Variants in NRXN3 observed in about 807,000 individuals in gnomAD.
The protein encoded by NRXN3 is neurexin 3, also known as neurexin III.
In NRXN3, 32 loss-of-function variants were observed where a neutral mutation model predicts 137.6. The observed-to-expected ratio is 0.23, with a 90% CI of 0.18 to 0.31. The LOEUF (loss-of-function observed/expected upper bound fraction) is 0.31. Ranked by LOEUF, NRXN3 falls within the 10% of genes least tolerant of loss-of-function variation. NRXN3 has a pLI of 1.00. For missense variants in NRXN3, 1,574 were observed against 2,062.5 expected, an observed-to-expected ratio of 0.76 and a Z score of 4.59; for synonymous variants, 798 against 784.5, an observed-to-expected ratio of 1.02 and a Z score of -0.29.
intron 10 of NRXN3, among the ~76,000 whole-genome samples, chr14:78,918,532 A>G (rs1297342139): frequency 9.2e-5 from 14 of 152,182 alleles, no homozygotes; most frequent in Non-Finnish European, 1.9e-4. Context: ...AGATCAGTTT[A>G]AGGCAAAGAT....
At chr14:78,977,092 G>A (rs2099470136) in intron 14 of NRXN3, among the ~76,000 whole-genome samples, 1 of 152,096 alleles carries the variant, frequency 6.6e-6, no homozygotes, top group Non-Finnish European at 1.5e-5. Context: ...GGACACTGAG[G>A]TTTAGAGTTT....
intron 10 of NRXN3, among the ~76,000 whole-genome samples, chr14:78,927,364 C>G (rs1332015958): frequency 6.6e-6 from 1 of 151,580 alleles, no homozygotes; most frequent in Non-Finnish European, 1.5e-5. Context: ...GGGGAACAAG[C>G]GTAAGGAGGA....
intron 10 of NRXN3, among the ~76,000 whole-genome samples, chr14:78,878,397 A>T (rs1257691077): frequency 6.6e-6 from 1 of 152,168 alleles, no homozygotes; most frequent in Non-Finnish European, 1.5e-5. Flanking sequence ...TTTAATTGAA[A>T]AGTCATAAGC....
At chr14:79,825,979 A>G (rs1469152826) in intron 20 of NRXN3, among the ~76,000 whole-genome samples, 1 of 150,034 alleles carries the variant, frequency 6.7e-6, no homozygotes, top group African/African-American at 2.4e-5. Flanking sequence ...CAAATTACAC[A>G]TATATATACC....
intron 20 of NRXN3, among the ~76,000 whole-genome samples, chr14:79,849,063 T>G (rs2141667886): frequency 6.6e-6 from 1 of 152,288 alleles, no homozygotes; most frequent in South Asian, 2.1e-4. Context: ...CCACACCCAG[T>G]CAAGAAGTCC....
At chr14:78,594,250 C>T (rs1320246117) in intron 4 of NRXN3, among the ~76,000 whole-genome samples, 1 of 152,184 alleles carries the variant, frequency 6.6e-6, no homozygotes, top group Non-Finnish European at 1.5e-5. Flanking sequence ...AGTCTCCTGC[C>T]AGCCATCTGA....
At chr14:78,407,361 A>T (rs753361337) in intron 4 of NRXN3, among the ~76,000 whole-genome samples, 7 of 152,120 alleles carry the variant, frequency 4.6e-5, no homozygotes, top group Non-Finnish European at 8.8e-5. Context: ...TAAGCCCCCT[A>T]TCAAGGTGTT....
intron 16 of NRXN3, among the ~76,000 whole-genome samples, chr14:79,595,594 A>C (rs10141349): frequency 0.091 from 13,824 of 152,038 alleles, 1,320 homozygotes; most frequent in African/African-American, 0.24. Context: ...ATAAAACTAT[A>C]TTTCACCTAA....
intron 19 of NRXN3, among the ~76,000 whole-genome samples, chr14:79,779,020 T>C (rs2140046264): frequency 6.6e-6 from 1 of 152,368 alleles, no homozygotes; most frequent in South Asian, 2.1e-4. Context: ...TTCCTAAGTC[T>C]CTTGGCAGGA....
chr14:78,748,216 T>C (rs372809422), intron 8 of NRXN3, among the ~76,000 whole-genome samples: 61 of 152,280 alleles, frequency 4.0e-4, no homozygotes, highest in African/African-American at 1.5e-3. Context: ...TGATGTCATC[T>C]CAAGGGGAGC....
chr14:78,285,244 CT>C (rs1463911924), intron 3 of NRXN3, among the ~76,000 whole-genome samples: 1 of 152,142 alleles, frequency 6.6e-6, no homozygotes, highest in Non-Finnish European at 1.5e-5. Flanking sequence ...CTAGTAGTAC[CT>C]ATGAGATATT....
intron 15 of NRXN3, among the ~76,000 whole-genome samples, chr14:79,071,376 C>T (rs887525919): frequency 2.6e-5 from 4 of 152,160 alleles, no homozygotes; most frequent in African/African-American, 2.4e-5. Flanking sequence ...AATGCTATCC[C>T]TCTGCTAGCC....
At chr14:79,209,562 ATTATC>A (rs2067327695) in intron 15 of NRXN3, among the ~76,000 whole-genome samples, 1 of 152,148 alleles carries the variant, frequency 6.6e-6, no homozygotes, top group African/African-American at 2.4e-5. Flanking sequence ...AGTTTTTCCT[ATTATC>A]TTATCTAAAA....
intron 4 of NRXN3, among the ~76,000 whole-genome samples, chr14:78,621,726 A>G (rs1367215232): frequency 1.2e-4 from 18 of 152,194 alleles, no homozygotes; most frequent in Admixed American, 1.2e-3. Context: ...ACTTTCACCT[A>G]GATGCCCTAT....
chr14:78,391,767 C>T (rs1175938206), intron 4 of NRXN3, among the ~76,000 whole-genome samples: 2 of 152,160 alleles, frequency 1.3e-5, no homozygotes, highest in Admixed American at 1.3e-4. Context: ...TATATTTTCT[C>T]ATATAATCTC....
At chr14:79,569,602 CGTGT>C (rs3061386) in intron 16 of NRXN3, among the ~76,000 whole-genome samples, 117 of 145,598 alleles carry the variant, frequency 8.0e-4, no homozygotes, top group African/African-American at 2.4e-3. Flanking sequence ...GAATGAGCAA[CGTGT>C]GTGTGTGTGT....
At chr14:78,566,106 A>C (rs1389726421) in intron 4 of NRXN3, among the ~76,000 whole-genome samples, 1 of 151,978 alleles carries the variant, frequency 6.6e-6, no homozygotes, top group Non-Finnish European at 1.5e-5. Context: ...TCCTGATCAT[A>C]CTTGTCCTGA....
chr14:78,242,010 G>A (rs927769221), intron 1 of NRXN3, among the ~76,000 whole-genome samples: 1 of 152,146 alleles, frequency 6.6e-6, no homozygotes, highest in Non-Finnish European at 1.5e-5. Context: ...AATGTCATTT[G>A]CAAGCTTTTA....
intron 4 of NRXN3, among the ~76,000 whole-genome samples, chr14:78,634,865 T>C (rs1385504775): frequency 1.3e-5 from 2 of 152,144 alleles, no homozygotes; most frequent in African/African-American, 4.8e-5. Context: ...TATAAATTAG[T>C]GGGGGTCAAT....
Sources: gnomAD v4.1 joint callset for allele counts (sites outside exome capture counted in the v4.1 genomes callset) on GRCh38, gnomAD v4.1.1 for gene constraint, MANE v1.5 for transcripts, NCBI Gene and HGNC (gene_info 2026-07-23, HGNC 2026-07-21) for gene names.